Variants in TMEM131L observed in about 807,000 individuals in gnomAD.
TMEM131L encodes transmembrane 131 like, also known as transmembrane protein 131-like.
TMEM131L carries 54 observed loss-of-function variants against 192.2 expected under a neutral mutation model. The observed-to-expected ratio is 0.28, with a 90% CI of 0.23 to 0.35. The LOEUF (loss-of-function observed/expected upper bound fraction) is 0.35. TMEM131L is among the 10% of genes least tolerant of loss of function. TMEM131L has a pLI of 1.00. For missense variants in TMEM131L, 1,888 were observed against 1,972.9 expected, an observed-to-expected ratio of 0.96 and a Z score of 0.82; for synonymous variants, 701 against 704.9, an observed-to-expected ratio of 0.99 and a Z score of 0.09.
chr4:153,537,484 G>A (rs1367266421), intron 3 of TMEM131L, among the ~76,000 whole-genome samples: 1 of 152,202 alleles, frequency 6.6e-6, no homozygotes, highest in Non-Finnish European at 1.5e-5. Flanking sequence ...ATTTCTTGAT[G>A]ATATGCTAAA....
At chr4:153,508,554 C>A (rs552758766) in intron 3 of TMEM131L, among the ~76,000 whole-genome samples, 4 of 152,242 alleles carry the variant, frequency 2.6e-5, no homozygotes, top group South Asian at 2.1e-4. Flanking sequence ...TCATTTAACC[C>A]TTTATTCTCA....
chr4:153,507,747 C>A (rs573785160), intron 3 of TMEM131L, among the ~76,000 whole-genome samples: 1 of 151,942 alleles, frequency 6.6e-6, no homozygotes, highest in Non-Finnish European at 1.5e-5. Context: ...AACCAGGGAA[C>A]GCTTATGTGG....
intron 17 of TMEM131L, among the ~76,000 whole-genome samples, 178 bp from the exon 18 acceptor site, chr4:153,592,297 C>G (rs1248576666): frequency 6.6e-6 from 1 of 151,526 alleles, no homozygotes; most frequent in East Asian, 1.9e-4. Flanking sequence ...CCCAGCTGTT[C>G]TTTGCCTTTT....
rs765589431 is a variant in TMEM131L, at chr4:153,583,200, A to G, written c.903A>G (p.Ala301=). The G allele has an allele frequency of 6.9e-7, 1 of 1,442,328 alleles. No homozygotes were observed. Among genetic ancestry groups the G allele is most frequent in the Non-Finnish European group, 9.8e-7 (1 of 1,023,762 alleles). 89.3% of individuals were successfully genotyped at this position (1,442,328 alleles called of 1,614,324 possible). Residue 301 remains alanine (A), a synonymous_variant, in exon 10 of 35, where the codon GCA becomes GCG. Coordinates refer to ENST00000409959, the MANE Select transcript of TMEM131L (RefSeq NM_001131007.2). ...TDESETSDDS[A]VNMYILHSGN... ...GATTCTTTTGGACAGATGATTCAGC[A>G]GTAAATATGTATATATTACATTCAG...
intron 19 of TMEM131L, among the ~76,000 whole-genome samples, chr4:153,594,111 A>G (rs371227346): frequency 2.0e-5 from 3 of 152,200 alleles, no homozygotes; most frequent in East Asian, 3.8e-4. Flanking sequence ...TGAGTAAAGA[A>G]ATAACAGTTG....
rs191540084 is a variant in TMEM131L, at chr4:153,493,973, G to A, written c.239+20085G>A. ...CTGATCTGGCTGACACCGTTCCCTG[G>A]CTTCCGGGTGACAGAATCCTTTTTT... On this transcript the variant is annotated intron_variant, in intron 3 of 34. Coordinates refer to ENST00000409959, the MANE Select transcript of TMEM131L (RefSeq NM_001131007.2). 8.0e-3 allele frequency among the ~76,000 whole-genome samples: 1,218 copies of A among 152,230 alleles called. 6 individuals carry two copies. Among genetic ancestry groups the A allele is most frequent in the Non-Finnish European group, 0.011 (767 of 68,018 alleles).
At chr4:153,516,532 A>G (rs1734744423) in intron 3 of TMEM131L, among the ~76,000 whole-genome samples, 1 of 152,054 alleles carries the variant, frequency 6.6e-6, no homozygotes, top group Admixed American at 6.5e-5. Context: ...GCCTAGCCCT[A>G]AAATCGAATT....
intron 7 of TMEM131L, among the ~76,000 whole-genome samples, chr4:153,566,929 C>A (rs1399280575): frequency 1.3e-5 from 2 of 152,234 alleles, no homozygotes; most frequent in Non-Finnish European, 2.9e-5. Flanking sequence ...TGGTGTCAAA[C>A]CCTCGTGCCC....
intron 3 of TMEM131L, among the ~76,000 whole-genome samples, chr4:153,484,894 C>T (rs1325805511): frequency 2.1e-5 from 3 of 145,704 alleles, no homozygotes; most frequent in Admixed American, 6.8e-5. Flanking sequence ...CCGAGGCGGG[C>T]GGATCACGAG....
intron 7 of TMEM131L, among the ~76,000 whole-genome samples, chr4:153,568,231 G>A (rs573690260): frequency 5.9e-5 from 9 of 152,278 alleles, no homozygotes; most frequent in South Asian, 2.1e-4. Flanking sequence ...AAGGAGGGGC[G>A]CGTCATGAAG....
intron 25 of TMEM131L, among the ~76,000 whole-genome samples, chr4:153,608,119 C>A (rs1732365739): frequency 6.6e-6 from 1 of 150,938 alleles, no homozygotes; most frequent in Admixed American, 6.6e-5. Context: ...GACCCTGTCT[C>A]AAAAATAAAA....
At chr4:153,521,024 G>A (rs577545844) in intron 3 of TMEM131L, among the ~76,000 whole-genome samples, 1 of 152,314 alleles carries the variant, frequency 6.6e-6, no homozygotes, top group African/African-American at 2.4e-5. Flanking sequence ...AGTTCTTTGT[G>A]TGTGTGATTT....
Position 153,612,350 on chromosome 4 carries a change from A to T in TMEM131L, c.3517A>T (p.Thr1173Ser), listed in dbSNP as rs148240137. 59 of 1,599,546 alleles carry T rather than the reference A, an allele frequency of 3.7e-5. No individual in the cohort carries two copies. The highest frequency in any genetic ancestry group is 5.0e-5 in the Non-Finnish European group (59 of 1,175,724). ...TTCTTCAGAAAAGAAGATTCACAAAACATCTAGAGAAGACATGTTTTCTGA... is the reference window on the plus strand; with the variant it reads ...TTCTTCAGAAAAGAAGATTCACAAATCATCTAGAGAAGACATGTTTTCTGA... Reference protein sequence around the residue: ...KPSSEKKIHKTSREDMFSEKQ... With the variant: ...KPSSEKKIHKSSREDMFSEKQ... The change falls in exon 26 of 35, where the codon ACA becomes TCA. Residue 1173 changes from threonine (T) to serine (S), a missense_variant. Coordinates refer to ENST00000409959, the MANE Select transcript of TMEM131L (RefSeq NM_001131007.2).
chr4:153,561,190 G>T (rs987689556), intron 7 of TMEM131L, among the ~76,000 whole-genome samples: 1 of 152,196 alleles, frequency 6.6e-6, no homozygotes, highest in Non-Finnish European at 1.5e-5. Context: ...CGTCTTTGGG[G>T]AAGTGGTTGT....
chr4:153,513,507 TACTC>T (rs760346318), intron 3 of TMEM131L, among the ~76,000 whole-genome samples: 5 of 152,326 alleles, frequency 3.3e-5, no homozygotes, highest in Non-Finnish European at 7.4e-5. Flanking sequence ...TTTTCTTACT[TACTC>T]TTTGAGTTCC....
chr4:153,506,849 A>T (rs1734024123), intron 3 of TMEM131L, among the ~76,000 whole-genome samples: 1 of 138,054 alleles, frequency 7.2e-6, no homozygotes, highest in Non-Finnish European at 1.7e-5. Context: ...TATCCAAAAA[A>T]AAAAAAAAAA....
chr4:153,495,090 G>C (rs978098950), intron 3 of TMEM131L, among the ~76,000 whole-genome samples: 5 of 152,192 alleles, frequency 3.3e-5, no homozygotes, highest in Admixed American at 2.6e-4. Context: ...CCGAGGCGGT[G>C]GATCATCTGA....
intron 3 of TMEM131L, among the ~76,000 whole-genome samples, chr4:153,525,115 C>G (rs1249320678): frequency 6.6e-6 from 1 of 152,286 alleles, no homozygotes; most frequent in East Asian, 1.9e-4. Context: ...GCATTTCTCT[C>G]TGGTTTATGG....
chr4:153,506,649 C>G (rs1331772281), intron 3 of TMEM131L, among the ~76,000 whole-genome samples: 1 of 152,014 alleles, frequency 6.6e-6, no homozygotes, highest in African/African-American at 2.4e-5. Flanking sequence ...CAAGATCAGT[C>G]TGGCCAACAT....
Sources: allele counts gnomAD v4.1 joint callset (sites outside exome capture counted in the v4.1 genomes callset), GRCh38; gene constraint gnomAD v4.1.1; transcripts MANE v1.5; gene names NCBI Gene and HGNC (gene_info 2026-07-23, HGNC 2026-07-21).